The following ZDHHC14 variants were observed in gnomAD, a reference collection of about 807,000 sequenced individuals.
ZDHHC14 encodes the protein zDHHC palmitoyltransferase 14.
A neutral mutation model predicts 47.7 loss-of-function variants in ZDHHC14; 16 were observed. That is an observed-to-expected ratio of 0.34 (90% CI 0.23 to 0.51). The LOEUF (loss-of-function observed/expected upper bound fraction) is 0.51. Among genes scored for constraint, ZDHHC14 ranks in the 20% least tolerant of loss-of-function variants. The probability of loss-of-function intolerance (pLI) is 0.97; values close to 1 mark genes in which losing one functional copy is unlikely to be tolerated. For missense variants in ZDHHC14, 515 were observed against 662.5 expected (o/e 0.78, Z 2.44); for synonymous variants, 293 against 278.9 (o/e 1.05, Z -0.50).
chr6:157,621,400 G>A (rs142548998), intron 3 of ZDHHC14, among the ~76,000 whole-genome samples: 155 of 152,142 alleles, frequency 1.0e-3, no homozygotes, highest in African/African-American at 2.7e-3. Flanking sequence ...AAAAACATGC[G>A]ACTTAATTTA....
chr6:157,664,925 C>T (rs1778489700), intron 8 of ZDHHC14, among the ~76,000 whole-genome samples: 1 of 152,200 alleles, frequency 6.6e-6, no homozygotes, highest in Admixed American at 6.5e-5. Context: ...TCCTCTTCTC[C>T]AGTGTCTTGC....
chr6:157,529,616 G>C (rs1441103357), intron 1 of ZDHHC14, among the ~76,000 whole-genome samples: 2 of 152,208 alleles, frequency 1.3e-5, no homozygotes, highest in African/African-American at 4.8e-5. Context: ...CCAAGACTCC[G>C]AGCTTGTCTT....
rs974076196 is a variant in ZDHHC14, at chr6:157,463,703, C to T, written c.246-78882C>T. 6.6e-6 allele frequency among the ~76,000 whole-genome samples: 1 copy of T among 152,178 alleles called. No homozygotes were observed. Among genetic ancestry groups the T allele is most frequent in the African/African-American group, 2.4e-5 (1 of 41,424 alleles). On this transcript the variant is annotated intron_variant, in intron 1 of 8. Transcript: ENST00000359775. This position sits in a 1 kb window ranked among gnomAD's most constrained non-coding sequence, Gnocchi z 4.4. ...TGCTGGCACTTCGTCCCAATGTCTC[C>T]CCGCTTTACCTTTCATTAGTCAGAT... is the stretch of plus-strand genomic sequence containing the variant.
At chr6:157,655,142 G>A (rs968404135) in intron 8 of ZDHHC14, among the ~76,000 whole-genome samples, 1 of 152,178 alleles carries the variant, frequency 6.6e-6, no homozygotes, top group Non-Finnish European at 1.5e-5. Flanking sequence ...CTCAAGGGAC[G>A]CTTTAAGGGT....
At chr6:157,504,497 G>C (rs547836140) in intron 1 of ZDHHC14, among the ~76,000 whole-genome samples, 13 of 141,868 alleles carry the variant, frequency 9.2e-5, no homozygotes, top group African/African-American at 2.8e-4. Context: ...TTGTCACCCA[G>C]GCTGGAGTGC....
intron 4 of ZDHHC14, 28 bp downstream of exon 4, chr6:157,628,514 G>T (rs200145197): frequency 6.3e-7 from 1 of 1,592,124 alleles, no homozygotes; most frequent in Admixed American, 1.9e-5. Context: ...ATCAGATTAC[G>T]TATGTAACCA....
At chr6:157,403,283 G>C (rs1339468352) in intron 1 of ZDHHC14, among the ~76,000 whole-genome samples, 4 of 152,186 alleles carry the variant, frequency 2.6e-5, no homozygotes, top group African/African-American at 7.2e-5. Context: ...TGCTCCACAA[G>C]CTGGAACAAT....
At chr6:157,650,352 T>A (rs1777766188) in intron 7 of ZDHHC14, among the ~76,000 whole-genome samples, 1 of 151,384 alleles carries the variant, frequency 6.6e-6, no homozygotes, top group South Asian at 2.1e-4. Flanking sequence ...GGGGTTAATG[T>A]CAGGAGTGGG....
chr6:157,477,548 G>A (rs376175550), intron 1 of ZDHHC14, among the ~76,000 whole-genome samples: 5 of 152,186 alleles, frequency 3.3e-5, no homozygotes, highest in Admixed American at 1.3e-4. Context: ...AACCATCTAT[G>A]TTTTGTTTTT....
intron 2 of ZDHHC14, among the ~76,000 whole-genome samples, chr6:157,567,251 A>G (rs372916102): frequency 2.6e-5 from 4 of 152,146 alleles, no homozygotes; most frequent in South Asian, 2.1e-4. Flanking sequence ...ATGCAAAAAC[A>G]TAGGGTAATG....
intron 1 of ZDHHC14, among the ~76,000 whole-genome samples, chr6:157,524,403 G>C (rs1372272996): frequency 6.6e-6 from 1 of 152,044 alleles, no homozygotes; most frequent in Non-Finnish European, 1.5e-5. Context: ...CAAAGTGCTG[G>C]GATTATAGGC....
chr6:157,579,106 A>G (rs1265533202), intron 2 of ZDHHC14, among the ~76,000 whole-genome samples: 1 of 150,950 alleles, frequency 6.6e-6, no homozygotes, highest in African/African-American at 2.4e-5. Flanking sequence ...TTTGTGAAGA[A>G]TGTCATTGGT....
intron 1 of ZDHHC14, among the ~76,000 whole-genome samples, chr6:157,434,083 A>G (rs1778392416): frequency 6.6e-6 from 1 of 152,174 alleles, no homozygotes; most frequent in South Asian, 2.1e-4. Flanking sequence ...ATGCTAAAAG[A>G]TTTTTAAAAA....
At chr6:157,666,302 T>C (rs984393221) in intron 8 of ZDHHC14, among the ~76,000 whole-genome samples, 1 of 152,220 alleles carries the variant, frequency 6.6e-6, no homozygotes, top group African/African-American at 2.4e-5. Flanking sequence ...TAACCTAACA[T>C]TTTAAATACC....
At chr6:157,483,937 C>T (rs372591446) in intron 1 of ZDHHC14, among the ~76,000 whole-genome samples, 82 of 152,162 alleles carry the variant, frequency 5.4e-4, no homozygotes, top group African/African-American at 1.7e-3. Flanking sequence ...AAATGTAGTA[C>T]GTAAACACCA....
chr6:157,584,124 C>T (rs973558920), intron 2 of ZDHHC14, among the ~76,000 whole-genome samples: 1 of 151,798 alleles, frequency 6.6e-6, no homozygotes, highest in South Asian at 2.1e-4. Flanking sequence ...TGGCAGTGGC[C>T]GAGGAGATCT....
chr6:157,383,835 A>G (rs1384451769), intron 1 of ZDHHC14, among the ~76,000 whole-genome samples: 1 of 152,202 alleles, frequency 6.6e-6, no homozygotes, highest in Non-Finnish European at 1.5e-5. Context: ...TCAGAGTGGC[A>G]GGGAGACACA....
chr6:157,542,809 A>G, intron 2 of ZDHHC14, 64 bp downstream of exon 2: 1 of 1,569,232 alleles, frequency 6.4e-7, no homozygotes, highest in Non-Finnish European at 8.7e-7. Context: ...TACAGTGGGG[A>G]CGGCAGGCCG....
At chr6:157,558,188 C>T (rs1782555918) in intron 2 of ZDHHC14, among the ~76,000 whole-genome samples, 1 of 152,124 alleles carries the variant, frequency 6.6e-6, no homozygotes, top group Non-Finnish European at 1.5e-5. Flanking sequence ...TGCCCAAGAG[C>T]CCCCTGCAGA....
Sources: allele counts gnomAD v4.1 joint callset (sites outside exome capture counted in the v4.1 genomes callset), GRCh38; gene constraint gnomAD v4.1.1; non-coding constraint Gnocchi (gnomAD v3.1); transcripts MANE v1.5; gene names NCBI Gene and HGNC (gene_info 2026-07-23, HGNC 2026-07-21).